DMD: variants seen among roughly 807,000 people sequenced by gnomAD.
The protein encoded by DMD is dystrophin.
In DMD, 63 loss-of-function variants were observed where a neutral mutation model predicts 330.1. The observed-to-expected ratio is 0.19, with a 90% CI of 0.16 to 0.24. DMD has a LOEUF of 0.24. DMD is among the 10% of genes least tolerant of loss of function. The pLI, the probability that DMD is intolerant of heterozygous loss-of-function variation, is 1.00. For synonymous variants in DMD, 1,223 were observed against 959.8 expected (o/e 1.27, Z -5.07); for missense variants, 3,344 against 2,684.1 (o/e 1.25, Z -5.43).
At chrX:32,354,927 AC>A (rs1465341550) in intron 37 of DMD, among the ~76,000 whole-genome samples, 1 of 111,668 alleles carries the variant, frequency 9.0e-6, no homozygotes, top group Non-Finnish European at 1.9e-5. Context: ...TGATTACATG[AC>A]TTTTTGGAGT....
At chrX:32,427,977 A>AT (rs2098219989) in intron 29 of DMD, among the ~76,000 whole-genome samples, 1 of 111,142 alleles carries the variant, frequency 9.0e-6, no homozygotes, top group Non-Finnish European at 1.9e-5. Context: ...AAGATTTTAT[A>AT]TTTGTTTTTA....
At chrX:32,400,535 A>T (rs1273268267) in intron 30 of DMD, among the ~76,000 whole-genome samples, 2 of 111,352 alleles carry the variant, frequency 1.8e-5, no homozygotes, top group African/African-American at 3.3e-5. Flanking sequence ...AAGGAATGGT[A>T]TCAGTTCCTC....
intron 48 of DMD, among the ~76,000 whole-genome samples, chrX:31,845,414 T>C (rs867978149): frequency 2.0e-4 from 17 of 86,408 alleles, no homozygotes; most frequent in African/African-American, 7.3e-4. Flanking sequence ...TCTCTCTCTC[T>C]CTCTCTCTCT....
At chrX:32,592,271 T>A (rs753698627) in intron 13 of DMD, among the ~76,000 whole-genome samples, 152 of 110,846 alleles carry the variant, frequency 1.4e-3, no homozygotes, top group African/African-American at 4.8e-3. Context: ...CTTATGGTGC[T>A]TTTTCTGGGC....
At chrX:31,437,260 C>A (rs2064597316) in intron 60 of DMD, among the ~76,000 whole-genome samples, 1 of 111,836 alleles carries the variant, frequency 8.9e-6, no homozygotes, top group African/African-American at 3.2e-5. Flanking sequence ...GGTATATGGG[C>A]AACATAATTT....
At chrX:32,513,534 A>C (rs1459900659) in intron 18 of DMD, among the ~76,000 whole-genome samples, 1 of 112,042 alleles carries the variant, frequency 8.9e-6, no homozygotes, top group Non-Finnish European at 1.9e-5. Flanking sequence ...AACCTGTCAA[A>C]GATTGGACTT....
chrX:32,988,779 T>C (rs966334854), intron 2 of DMD, among the ~76,000 whole-genome samples: 1 of 111,838 alleles, frequency 8.9e-6, no homozygotes, highest in Non-Finnish European at 1.9e-5. Context: ...TCTCAACCAA[T>C]AGTTTTGGTT....
At chrX:33,084,169 A>G (rs2094971036) in intron 1 of DMD, among the ~76,000 whole-genome samples, 1 of 112,101 alleles carries the variant, frequency 8.9e-6, no homozygotes, top group African/African-American at 3.2e-5. Flanking sequence ...CCCCAGTCCA[A>G]GAGAATTAGG....
chrX:32,876,463 T>A (rs1020114431), intron 2 of DMD, among the ~76,000 whole-genome samples: 2 of 112,004 alleles, frequency 1.8e-5, no homozygotes, highest in African/African-American at 6.5e-5. Context: ...TTTTGTGTTC[T>A]AGCCTTCCAC....
chrX:32,748,305 C>T lies in DMD; in HGVS notation c.650-49012G>A, dbSNP rs1047070309. The stretch of plus-strand genomic sequence containing the variant: ...GTAGCAGTGAGCCAAGATCATGCCA[C>T]TGCACTCTCCAGACTGGGTGACAGA... On this transcript the variant is annotated intron_variant, in intron 7 of 78. Transcript: ENST00000357033. Among the ~76,000 whole-genome samples the T allele has an allele frequency of 1.0e-3, 109 of 103,816 alleles. 1 individual carries two copies. The highest frequency in any genetic ancestry group is 3.8e-3 in the African/African-American group (104 of 27,497). 90.2% of individuals were successfully genotyped at this position (103,816 alleles called of 115,157 possible). A position where few individuals can be genotyped will look rare whatever the true frequency, so the allele number is the denominator to read the frequency against.
intron 30 of DMD, among the ~76,000 whole-genome samples, chrX:32,406,456 G>C (rs146383892): frequency 0.014 from 1,598 of 110,448 alleles, 76 homozygotes; most frequent in African/African-American, 0.049. Flanking sequence ...AGAATTTTTA[G>C]CATGAGGGGT....
chrX:31,490,598 G>T (rs2069205052), intron 57 of DMD, among the ~76,000 whole-genome samples: 1 of 112,023 alleles, frequency 8.9e-6, no homozygotes, highest in Non-Finnish European at 1.9e-5. Context: ...AAAGAAAAAA[G>T]AATGAATCAC....
At position 31,209,747 on chromosome X, in the gene DMD, C is replaced by G. The variant is rs768721611; in HGVS notation, c.9362-48G>C. 577 of 1,124,066 alleles carry G rather than the reference C, an allele frequency of 5.1e-4. 7 individuals carry two copies. The South Asian group carries it at 9.8e-3, about 19-fold the overall frequency. The allele number at this position is 1,124,066 out of a possible 1,213,427, so 92.6% of individuals were successfully genotyped here. A position where few individuals can be genotyped will look rare whatever the true frequency, so the allele number is the denominator to read the frequency against. On this transcript the variant is annotated intron_variant, in intron 64 of 78. Transcript: ENST00000357033. ...CAAATGACTCAAAGAGTAAAACCTT[C>G]CTTTCAGTGTCCTTTTTCCTCTGAG...
chrX:32,588,233 T>TA (rs1414417800), intron 13 of DMD, among the ~76,000 whole-genome samples: 1 of 112,200 alleles, frequency 8.9e-6, no homozygotes, highest in African/African-American at 3.2e-5. Context: ...ACATTAATAT[T>TA]AACTGCAAAA....
chrX:31,563,790 A>G (rs2075323268), intron 55 of DMD, among the ~76,000 whole-genome samples: 1 of 112,324 alleles, frequency 8.9e-6, no homozygotes. Flanking sequence ...TACATCCACA[A>G]AATGGAACAA....
intron 7 of DMD, among the ~76,000 whole-genome samples, chrX:32,761,989 AAACACAAAAAATTAGC>A (rs1332240381): frequency 2.8e-5 from 3 of 108,530 alleles, no homozygotes; most frequent in Non-Finnish European, 5.7e-5. Flanking sequence ...TCTCTACTAA[AAACACAAAAAATTAGC>A]CAGGCATAGT....
intron 55 of DMD, among the ~76,000 whole-genome samples, chrX:31,591,785 A>G (rs2076884579): frequency 9.0e-6 from 1 of 111,269 alleles, no homozygotes; most frequent in Non-Finnish European, 1.9e-5. Context: ...AAATGTTTTA[A>G]TTGTATTTCT....
intron 74 of DMD, among the ~76,000 whole-genome samples, chrX:31,160,710 T>C (rs1244974480): frequency 1.8e-5 from 2 of 111,707 alleles, no homozygotes; most frequent in African/African-American, 6.5e-5. Context: ...TTACTGTCCT[T>C]GGAATCCTTT....
At chrX:33,061,225 A>T (rs1036786852) in intron 1 of DMD, among the ~76,000 whole-genome samples, 2 of 112,630 alleles carry the variant, frequency 1.8e-5, no homozygotes, top group Admixed American at 1.9e-4. Flanking sequence ...AGAGAAAAAG[A>T]ATGTTAAGTT....
Sources: allele counts gnomAD v4.1 joint callset (sites outside exome capture counted in the v4.1 genomes callset), GRCh38; gene constraint gnomAD v4.1.1; transcripts MANE v1.5; gene names NCBI Gene and HGNC (gene_info 2026-07-23, HGNC 2026-07-21).